Variants in SORCS2 observed in about 807,000 individuals in gnomAD.
SORCS2 encodes the protein VPS10 domain-containing receptor SorCS2.
In SORCS2, 100 loss-of-function variants were observed where a neutral mutation model predicts 141.6. The ratio of observed to expected loss-of-function variants is 0.71; its 90% confidence interval spans 0.60 to 0.83. The LOEUF is 0.83. Among genes scored for constraint, SORCS2 ranks in the 40% least tolerant of loss-of-function variants. The pLI is 0.00. For missense variants in SORCS2, 1,646 were observed against 1,560.2 expected, an observed-to-expected ratio of 1.05 and a Z score of -0.93; for synonymous variants, 789 against 676.9, an observed-to-expected ratio of 1.17 and a Z score of -2.57.
intron 12 of SORCS2, among the ~76,000 whole-genome samples, chr4:7,702,997 C>T (rs909790439): frequency 3.3e-5 from 5 of 152,246 alleles, no homozygotes; most frequent in African/African-American, 1.2e-4. Flanking sequence ...TGGGTTTTCA[C>T]ATAGAGAGGG....
At chr4:7,602,148 A>G (rs940569376) in intron 3 of SORCS2, among the ~76,000 whole-genome samples, 29 of 152,238 alleles carry the variant, frequency 1.9e-4, no homozygotes, top group Non-Finnish European at 3.4e-4. Context: ...CAAAACCGCC[A>G]TCGTCATCAT....
chr4:7,335,987 C>T (rs1216565746), intron 1 of SORCS2, among the ~76,000 whole-genome samples: 1 of 152,228 alleles, frequency 6.6e-6, no homozygotes, highest in African/African-American at 2.4e-5. Context: ...TGGCATGCGC[C>T]TGAGTCTGTC....
At chr4:7,409,358 C>T (rs548863494) in intron 2 of SORCS2, among the ~76,000 whole-genome samples, 11 of 152,272 alleles carry the variant, frequency 7.2e-5, no homozygotes, top group African/African-American at 2.4e-4. Context: ...GTGGGGATGG[C>T]AGCCATGGGT....
intron 1 of SORCS2, among the ~76,000 whole-genome samples, chr4:7,321,999 G>A (rs938413715): frequency 5.9e-5 from 9 of 152,210 alleles, no homozygotes; most frequent in African/African-American, 2.2e-4. Context: ...AGCAGCTGGG[G>A]CTGGTTGACT....
chr4:7,689,150 G>A (rs934874263), intron 10 of SORCS2, among the ~76,000 whole-genome samples: 1 of 152,122 alleles, frequency 6.6e-6, no homozygotes, highest in Non-Finnish European at 1.5e-5. Flanking sequence ...AGCCCCAGCA[G>A]CTGCATCCGT....
At chr4:7,601,916 T>C (rs1029250077) in intron 3 of SORCS2, among the ~76,000 whole-genome samples, 1 of 152,166 alleles carries the variant, frequency 6.6e-6, no homozygotes, top group Non-Finnish European at 1.5e-5. Flanking sequence ...ACAAAGCACA[T>C]CTTGCACCGC....
chr4:7,454,873 G>A (rs533861875), intron 2 of SORCS2, among the ~76,000 whole-genome samples: 5 of 129,174 alleles, frequency 3.9e-5, no homozygotes, highest in African/African-American at 1.5e-4. Flanking sequence ...GTCAGGTGCT[G>A]TGTGTTGGGG....
At chr4:7,433,855 G>T in intron 2 of SORCS2, 1 of 1,613,886 alleles carries the variant, frequency 6.2e-7, no homozygotes, top group East Asian at 2.2e-5. Context: ...GGGGCTGTAG[G>T]TGTCCACCAA....
At chr4:7,339,415 C>T (rs1022587053) in intron 1 of SORCS2, among the ~76,000 whole-genome samples, 5 of 152,206 alleles carry the variant, frequency 3.3e-5, no homozygotes, top group Admixed American at 6.5e-5. Context: ...TTCTGGAGGC[C>T]GGAAGCCTGA....
intron 5 of SORCS2, among the ~76,000 whole-genome samples, chr4:7,660,947 G>C (rs1722122617): frequency 6.6e-6 from 1 of 152,184 alleles, no homozygotes; most frequent in African/African-American, 2.4e-5. Flanking sequence ...GGGAGCAGGA[G>C]ACGGAGCAAC....
intron 2 of SORCS2, among the ~76,000 whole-genome samples, chr4:7,501,239 G>C (rs1023500031): frequency 6.6e-6 from 1 of 152,156 alleles, no homozygotes; most frequent in Non-Finnish European, 1.5e-5. Flanking sequence ...CCACGCCCTC[G>C]TGGGCCAGTA....
chr4:7,449,558 T>C lies in SORCS2; in HGVS notation c.548+53203T>C, dbSNP rs371010122. On this transcript the variant is annotated intron_variant, in intron 2 of 26. Transcript: ENST00000507866. ...GACACTTCCTGCCTGACAGGGCTTC[T>C]GCGACCCAGCACCAGGTTCAGGATG... Among the ~76,000 whole-genome samples, 14 of 151,584 alleles carry C rather than the reference T, an allele frequency of 9.2e-5. No individual in the cohort carries two copies. The South Asian group carries it at 1.7e-3, about 18-fold the overall frequency.
At chr4:7,575,598 T>A (rs1160669115) in intron 3 of SORCS2, among the ~76,000 whole-genome samples, 2 of 152,230 alleles carry the variant, frequency 1.3e-5, no homozygotes, top group Non-Finnish European at 2.9e-5. Flanking sequence ...GTGCCAAGTA[T>A]CAGTTTTTAA....
chr4:7,459,669 G>C (rs1729163403), intron 2 of SORCS2, among the ~76,000 whole-genome samples: 1 of 152,148 alleles, frequency 6.6e-6, no homozygotes, highest in Admixed American at 6.5e-5. Context: ...TGGTCTCTCT[G>C]GTCTCAGAGT....
At chr4:7,313,860 G>T (rs1021153369) in intron 1 of SORCS2, among the ~76,000 whole-genome samples, 3 of 152,148 alleles carry the variant, frequency 2.0e-5, no homozygotes, top group Non-Finnish European at 2.9e-5. Flanking sequence ...TGTTTTCAGG[G>T]GCCCTATCTC....
At chr4:7,640,053 G>A (rs1458421732) in intron 4 of SORCS2, among the ~76,000 whole-genome samples, 1 of 75,268 alleles carries the variant, frequency 1.3e-5, no homozygotes, top group African/African-American at 3.6e-5. Flanking sequence ...GTGAGAGTGT[G>A]AGTGTGTGTG....
intron 3 of SORCS2, among the ~76,000 whole-genome samples, chr4:7,570,647 G>A (rs538708042): frequency 6.6e-6 from 1 of 152,346 alleles, no homozygotes; most frequent in South Asian, 2.1e-4. Flanking sequence ...TGCCCAGGGA[G>A]GCATTGTGAC....
At chr4:7,460,627 A>C (rs893276237) in intron 2 of SORCS2, among the ~76,000 whole-genome samples, 1 of 152,208 alleles carries the variant, frequency 6.6e-6, no homozygotes, top group Non-Finnish European at 1.5e-5. Flanking sequence ...TCGGAATTGC[A>C]TGCCGAGAGC....
chr4:7,406,420 T>G lies in SORCS2; in HGVS notation c.548+10065T>G, dbSNP rs138354212. On this transcript the variant is annotated intron_variant, in intron 2 of 26. Transcript: ENST00000507866. The stretch of plus-strand genomic sequence containing the variant: ...TGACAGCTTTGATTTTGTTACTAAT[T>G]GTTGACTTATTGAGGTTTTCTGTTT... 2.1e-3 allele frequency among the ~76,000 whole-genome samples: 325 copies of G among 151,336 alleles called. 1 individual carries two copies. Among genetic ancestry groups the G allele is most frequent in the Middle Eastern group, 3.4e-3 (1 of 292 alleles).
Sources: allele counts gnomAD v4.1 joint callset (sites outside exome capture counted in the v4.1 genomes callset), GRCh38; gene constraint gnomAD v4.1.1; transcripts MANE v1.5; gene names NCBI Gene and HGNC (gene_info 2026-07-23, HGNC 2026-07-21).